The following BCAS3 variants were observed in gnomAD, a reference collection of about 807,000 sequenced individuals.
BCAS3 encodes the protein BCAS4/BCAS3 fusion.
Under a neutral mutation model 116.1 loss-of-function variants are expected in BCAS3, and 53 were observed. The observed-to-expected ratio is 0.46, with a 90% CI of 0.37 to 0.57. The LOEUF is 0.57. BCAS3 is among the 20% of genes least tolerant of loss of function. The pLI is 0.00. For missense variants in BCAS3, 917 were observed against 1,165.4 expected (o/e 0.79, Z 3.10); for synonymous variants, 391 against 408.2 (o/e 0.96, Z 0.51).
chr17:61,359,217 C>T (rs1289909642), intron 22 of BCAS3, among the ~76,000 whole-genome samples: 11 of 152,148 alleles, frequency 7.2e-5, no homozygotes, highest in Admixed American at 7.2e-4. Context: ...CCCACTGCCC[C>T]AAAGAAGAGC....
chr17:60,731,112 ATCT>A (rs1396413017), intron 5 of BCAS3, among the ~76,000 whole-genome samples: 1 of 152,250 alleles, frequency 6.6e-6, no homozygotes, highest in Non-Finnish European at 1.5e-5. Flanking sequence ...TAATGAATAA[ATCT>A]TCTTTTTAAG....
At chr17:60,741,064 C>CA (rs1374483536) in intron 5 of BCAS3, among the ~76,000 whole-genome samples, 1 of 152,150 alleles carries the variant, frequency 6.6e-6, no homozygotes, top group Non-Finnish European at 1.5e-5. Context: ...AGAAATTTGT[C>CA]AATCACAGTT....
intron 10 of BCAS3, among the ~76,000 whole-genome samples, chr17:60,893,581 A>G (rs1238117239): frequency 7.1e-6 from 1 of 140,392 alleles, no homozygotes; most frequent in Non-Finnish European, 1.5e-5. Flanking sequence ...TTCTCTGTTC[A>G]GTTATCTTGA....
intron 15 of BCAS3, among the ~76,000 whole-genome samples, chr17:61,011,275 A>G (rs1021495109): frequency 6.6e-6 from 1 of 152,042 alleles, no homozygotes; most frequent in Non-Finnish European, 1.5e-5. Context: ...GAAAAAGAAT[A>G]GCAATAGACT....
chr17:60,921,827 G>T (rs1426584539), intron 12 of BCAS3, among the ~76,000 whole-genome samples: 19 of 151,468 alleles, frequency 1.3e-4, no homozygotes, highest in Non-Finnish European at 7.4e-5. Flanking sequence ...AAAAAAACAT[G>T]TAAACAATAA....
chr17:60,835,338 A>G (rs1217636485), intron 7 of BCAS3, among the ~76,000 whole-genome samples: 2 of 152,012 alleles, frequency 1.3e-5, no homozygotes, highest in Non-Finnish European at 1.5e-5. Context: ...TATCTACTAC[A>G]TGAATACCGA....
chr17:60,950,666 C>T (rs2060782782), intron 14 of BCAS3, among the ~76,000 whole-genome samples: 1 of 152,164 alleles, frequency 6.6e-6, no homozygotes, highest in South Asian at 2.1e-4. Context: ...TACAGGTGAA[C>T]AGAGATGATA....
At position 61,331,988 on chromosome 17, in the gene BCAS3, C is replaced by A. The variant is rs551553356; in HGVS notation, c.2426-36339C>A. Among the ~76,000 whole-genome samples the A allele has an allele frequency of 5.3e-5, 8 of 152,292 alleles. No homozygotes were observed. The South Asian group carries it at 1.4e-3, about 28-fold the overall frequency. Reference sequence around the variant, plus strand: ...AACCGGCCTTTTTCCCTGTTTCATCCTGTGCTGGTCTGTCTCTTTTGCATG... The same window carrying A: ...AACCGGCCTTTTTCCCTGTTTCATCATGTGCTGGTCTGTCTCTTTTGCATG... On this transcript the variant is annotated intron_variant, in intron 22 of 23. Transcript: ENST00000407086.
At chr17:61,127,385 G>A (rs967576992) in intron 22 of BCAS3, among the ~76,000 whole-genome samples, 5 of 152,000 alleles carry the variant, frequency 3.3e-5, no homozygotes, top group African/African-American at 1.2e-4. Flanking sequence ...TATTACTGAT[G>A]TGATGTGTGA....
Position 61,037,868 on chromosome 17 carries a change from G to C in BCAS3, c.1763-21G>C. On this transcript the variant is annotated intron_variant, in intron 17 of 23. Transcript: ENST00000407086. The surrounding 1 kb of genome is among the most constrained non-coding windows in gnomAD (Gnocchi z 4.7). ...CATTTATGCCATCATAACACATCGG[G>C]TTCTGTTTCTCTGTTTGTAGATCAG... 6.2e-7 allele frequency: 1 copy of C among 1,608,578 alleles called. No homozygotes were observed. Among genetic ancestry groups the C allele is most frequent in the African/African-American group, 1.3e-5 (1 of 74,860 alleles).
intron 4 of BCAS3, among the ~76,000 whole-genome samples, chr17:60,690,749 C>T (rs376070485): frequency 1.9e-3 from 288 of 151,662 alleles, no homozygotes; most frequent in Non-Finnish European, 2.7e-3. Flanking sequence ...GGTGAAACCT[C>T]GTCTCTACTA....
intron 9 of BCAS3, chr17:60,887,374 C>T (rs976408452): frequency 2.0e-5 from 3 of 153,142 alleles, no homozygotes; most frequent in Admixed American, 6.5e-5. Context: ...TGAGATGAAC[C>T]CGGTACCTCA....
intron 4 of BCAS3, among the ~76,000 whole-genome samples, 153 bp from the exon 5 acceptor site, chr17:60,709,066 T>G (rs1220975280): frequency 6.6e-6 from 1 of 152,148 alleles, no homozygotes; most frequent in Non-Finnish European, 1.5e-5. Flanking sequence ...ATAGCCAGGA[T>G]GGACAACTTT....
At chr17:60,904,836 A>G (rs1353214635) in intron 11 of BCAS3, among the ~76,000 whole-genome samples, 1 of 152,196 alleles carries the variant, frequency 6.6e-6, no homozygotes, top group Non-Finnish European at 1.5e-5. Context: ...TATAAGGGTT[A>G]TTTTTAAAAA....
intron 22 of BCAS3, among the ~76,000 whole-genome samples, chr17:61,351,509 C>T (rs1466055454): frequency 6.6e-6 from 1 of 152,188 alleles, no homozygotes; most frequent in Non-Finnish European, 1.5e-5. Context: ...TTGAAACTTA[C>T]AATTAGCAAT....
At chr17:60,796,061 G>A (rs771183040) in intron 6 of BCAS3, among the ~76,000 whole-genome samples, 3 of 152,130 alleles carry the variant, frequency 2.0e-5, no homozygotes, top group Non-Finnish European at 4.4e-5. Context: ...AACCATCCCT[G>A]CATCCCTGAT....
At chr17:60,914,287 A>G (rs2058664590) in intron 12 of BCAS3, among the ~76,000 whole-genome samples, 1 of 152,194 alleles carries the variant, frequency 6.6e-6, no homozygotes, top group Non-Finnish European at 1.5e-5. Flanking sequence ...TGATGATGCA[A>G]TGGAGAAGAT....
intron 6 of BCAS3, among the ~76,000 whole-genome samples, chr17:60,796,110 A>T (rs189728709): frequency 2.4e-4 from 36 of 152,244 alleles, no homozygotes; most frequent in Non-Finnish European, 7.4e-5. Context: ...TCTTTTTGAT[A>T]TGTTGTTGGA....
intron 13 of BCAS3, among the ~76,000 whole-genome samples, chr17:60,936,866 A>G (rs1415260728): frequency 6.6e-6 from 1 of 152,210 alleles, no homozygotes; most frequent in Non-Finnish European, 1.5e-5. Context: ...TAGTTTAATT[A>G]GATCCCATTT....
Sources: gnomAD v4.1 joint callset for allele counts (sites outside exome capture counted in the v4.1 genomes callset) on GRCh38, gnomAD v4.1.1 for gene constraint, Gnocchi (gnomAD v3.1) non-coding constraint, MANE v1.5 for transcripts, NCBI Gene and HGNC (gene_info 2026-07-23, HGNC 2026-07-21) for gene names.